The following SERGEF variants were observed in gnomAD, a reference collection of about 807,000 sequenced individuals.
SERGEF encodes secretion regulating guanine nucleotide exchange factor, also known as secretion-regulating guanine nucleotide exchange factor.
A neutral mutation model predicts 50.0 loss-of-function variants in SERGEF; 51 were observed. The ratio of observed to expected loss-of-function variants is 1.02; its 90% CI spans 0.81 to 1.29. The LOEUF is 1.29. Ranked by LOEUF, SERGEF falls within the 50% of genes most tolerant of loss-of-function variation. The pLI is 0.00. For synonymous variants in SERGEF, 205 were observed against 212.4 expected (o/e 0.97, Z 0.30); for missense variants, 521 against 557.0 (o/e 0.94, Z 0.65).
At chr11:17,938,832 C>T (rs895132357) in intron 9 of SERGEF, among the ~76,000 whole-genome samples, 11 of 152,052 alleles carry the variant, frequency 7.2e-5, no homozygotes, top group Non-Finnish European at 1.6e-4. Flanking sequence ...AGTGAATATC[C>T]ATATTCCTCA....
At chr11:17,963,331 C>T (rs188183340) in intron 8 of SERGEF, among the ~76,000 whole-genome samples, 2 of 131,090 alleles carry the variant, frequency 1.5e-5, no homozygotes, top group East Asian at 4.3e-4. Context: ...CCCTCCAGAC[C>T]AGGGATCCCT....
At chr11:17,802,752 C>T (rs961406514) in intron 10 of SERGEF, among the ~76,000 whole-genome samples, 12 of 151,784 alleles carry the variant, frequency 7.9e-5, no homozygotes, top group African/African-American at 2.7e-4. Context: ...CTCCCTCCCT[C>T]CCTCCCTTCA....
chr11:17,915,807 C>T (rs1027851497), intron 9 of SERGEF, among the ~76,000 whole-genome samples: 1 of 152,226 alleles, frequency 6.6e-6, no homozygotes, highest in Non-Finnish European at 1.5e-5. Flanking sequence ...GAACCTTTCC[C>T]ATTTTCCATC....
At chr11:17,967,205 T>C (rs533068746) in intron 8 of SERGEF, among the ~76,000 whole-genome samples, 1 of 152,318 alleles carries the variant, frequency 6.6e-6, no homozygotes, top group African/African-American at 2.4e-5. Flanking sequence ...CAGCTTTCAA[T>C]GGCAAAGCTA....
chr11:17,922,849 C>T (rs796464472), intron 9 of SERGEF, among the ~76,000 whole-genome samples: 8 of 152,288 alleles, frequency 5.3e-5, no homozygotes, highest in African/African-American at 1.9e-4. Flanking sequence ...TCTCTATTCC[C>T]TTTACTCCTT....
intron 10 of SERGEF, among the ~76,000 whole-genome samples, chr11:17,828,487 C>G (rs1424133575): frequency 6.6e-6 from 1 of 152,224 alleles, no homozygotes; most frequent in Non-Finnish European, 1.5e-5. Context: ...CGCCTGCTCA[C>G]TTCAAGTGGA....
At chr11:17,971,523 A>T (rs943691310) in intron 8 of SERGEF, among the ~76,000 whole-genome samples, 48 of 152,314 alleles carry the variant, frequency 3.2e-4, no homozygotes, top group Admixed American at 2.6e-4. Context: ...GGATGATAGC[A>T]CATCTGTTTA....
intron 9 of SERGEF, among the ~76,000 whole-genome samples, chr11:17,905,619 G>A (rs764700792): frequency 3.3e-5 from 5 of 152,108 alleles, no homozygotes; most frequent in Non-Finnish European, 7.4e-5. Context: ...GAGACCATTG[G>A]GTCTCTCAGA....
intron 9 of SERGEF, among the ~76,000 whole-genome samples, chr11:17,881,608 A>G (rs1439017694): frequency 6.6e-6 from 1 of 152,224 alleles, no homozygotes; most frequent in East Asian, 1.9e-4. Context: ...AATGCGCCCA[A>G]GAGAAAGAGA....
chr11:17,989,921 C>A (rs1176906563), intron 7 of SERGEF, among the ~76,000 whole-genome samples: 1 of 152,184 alleles, frequency 6.6e-6, no homozygotes, highest in African/African-American at 2.4e-5. Context: ...ATTAATCCCA[C>A]CTGTTTCTTT....
rs1211638451 is a variant in SERGEF at position 17,834,573 on chromosome 11, T to C, written c.1048+43635A>G. On this transcript the variant is annotated intron_variant, in intron 10 of 10. Transcript: ENST00000265965. Reference sequence around the variant, plus strand: ...AATTAAATATATAAATGCTTTACCCTGGAACATCTGAGGAGGAGGCCCTCT... The same window carrying C: ...AATTAAATATATAAATGCTTTACCCCGGAACATCTGAGGAGGAGGCCCTCT... 2.0e-5 allele frequency among the ~76,000 whole-genome samples: 3 copies of C among 152,322 alleles called. No individual in the cohort carries two copies. The East Asian group carries it at 5.8e-4, about 29-fold the overall frequency.
At chr11:17,980,751 C>G (rs571039430) in intron 8 of SERGEF, among the ~76,000 whole-genome samples, 1 of 152,318 alleles carries the variant, frequency 6.6e-6, no homozygotes, top group East Asian at 1.9e-4. Context: ...TAACCAATCT[C>G]TCTTCAATTT....
intron 8 of SERGEF, among the ~76,000 whole-genome samples, chr11:17,980,062 G>A (rs1214056038): frequency 6.6e-6 from 1 of 152,216 alleles, no homozygotes; most frequent in Non-Finnish European, 1.5e-5. Flanking sequence ...AGCCAGCAGA[G>A]CCCAAGTGCA....
At chr11:17,873,750 C>G (rs2133894432) in intron 10 of SERGEF, among the ~76,000 whole-genome samples, 1 of 152,220 alleles carries the variant, frequency 6.6e-6, no homozygotes, top group Middle Eastern at 3.4e-3. Context: ...TCTGGCAAGC[C>G]TGAGTGCTCC....
At position 17,788,406 on chromosome 11, in the gene SERGEF, C is replaced by G; in HGVS notation, c.1056G>C (p.Val352=). Residue 352 remains valine, a synonymous_variant, in exon 11 of 11, where the codon GTG becomes GTC. Coordinates refer to ENST00000265965, the MANE Select transcript of SERGEF (RefSeq NM_012139.4). ...SEHNLAIIGG[V]CYSWGWNEHG... ...GCTCATTCCAGCCCCAAGAGTAACA[C>G]ACTCCACCTGTGAAGGAGAGGGAAG... is the stretch of plus-strand genomic sequence containing the variant. The G allele has an allele frequency of 6.2e-7, 1 of 1,603,000 alleles. No individual in the cohort carries two copies. Among genetic ancestry groups the G allele is most frequent in the Non-Finnish European group, 8.5e-7 (1 of 1,171,768 alleles).
chr11:17,842,033 C>T (rs954666301), intron 10 of SERGEF, among the ~76,000 whole-genome samples: 2 of 152,052 alleles, frequency 1.3e-5, no homozygotes, highest in Admixed American at 6.5e-5. Flanking sequence ...CCCTTTCTTT[C>T]GTAGCATTTA....
intron 9 of SERGEF, among the ~76,000 whole-genome samples, chr11:17,901,667 G>C (rs112904051): frequency 1.3e-5 from 2 of 152,104 alleles, no homozygotes; most frequent in Non-Finnish European, 2.9e-5. Flanking sequence ...CACACTCAGC[G>C]GAATCCAACT....
At chr11:17,982,260 T>C (rs1853509904) in intron 8 of SERGEF, among the ~76,000 whole-genome samples, 2 of 152,248 alleles carry the variant, frequency 1.3e-5, no homozygotes, top group South Asian at 2.1e-4. Flanking sequence ...GATTGAGTTC[T>C]GGTCCTAGCT....
At chr11:17,931,370 G>A (rs968440706) in intron 9 of SERGEF, among the ~76,000 whole-genome samples, 1 of 152,098 alleles carries the variant, frequency 6.6e-6, no homozygotes, top group Non-Finnish European at 1.5e-5. Flanking sequence ...CAGTAAGGTA[G>A]CCCATTCATA....
Sources: gnomAD v4.1 joint callset for allele counts (sites outside exome capture counted in the v4.1 genomes callset) on GRCh38, gnomAD v4.1.1 for gene constraint, MANE v1.5 for transcripts, NCBI Gene and HGNC (gene_info 2026-07-23, HGNC 2026-07-21) for gene names.